The following CADM1 variants were observed in gnomAD, a reference collection of about 807,000 sequenced individuals.
The protein encoded by CADM1 is cell adhesion molecule 1, also known as TSLC-1.
In CADM1, 15 loss-of-function variants were observed where a neutral mutation model predicts 53.1. That is an observed-to-expected ratio of 0.28 (90% CI 0.19 to 0.44). The LOEUF is 0.44. Ranked by LOEUF, CADM1 falls within the 20% of genes least tolerant of loss-of-function variation. The pLI is 1.00. For synonymous variants in CADM1, 281 were observed against 243.0 expected (o/e 1.16, Z -1.45); for missense variants, 434 against 611.3 (o/e 0.71, Z 3.06).
chr11:115,429,912 TG>T (rs1948000309), intron 1 of CADM1, among the ~76,000 whole-genome samples: 1 of 152,106 alleles, frequency 6.6e-6, no homozygotes, highest in Non-Finnish European at 1.5e-5. Context: ...GTACTCCTCT[TG>T]AAAGGATGAG....
At chr11:115,318,991 A>G (rs1449991630) in intron 1 of CADM1, among the ~76,000 whole-genome samples, 1 of 152,180 alleles carries the variant, frequency 6.6e-6, no homozygotes, top group Non-Finnish European at 1.5e-5. Flanking sequence ...AACTCACTTG[A>G]TACTCAAAAC....
intron 1 of CADM1, among the ~76,000 whole-genome samples, chr11:115,295,543 TA>T (rs1330631550): frequency 0.02 from 1,461 of 72,352 alleles, 68 homozygotes; most frequent in East Asian, 0.1. Flanking sequence ...TATATATATA[TA>T]TATATAATAT....
At chr11:115,266,459 G>C (rs902736952) in intron 1 of CADM1, among the ~76,000 whole-genome samples, 4 of 152,202 alleles carry the variant, frequency 2.6e-5, no homozygotes, top group Non-Finnish European at 4.4e-5. Context: ...GGAGTGCTGG[G>C]TTCACAGGCC....
At position 115,279,158 on chromosome 11, in the gene CADM1, T is replaced by C. The variant is rs551636507; in HGVS notation, c.125-38738A>G. Among the ~76,000 whole-genome samples the C allele has an allele frequency of 5.3e-5, 8 of 152,262 alleles. No homozygotes were observed. In the East Asian group the frequency reaches 1.5e-3, roughly 29 times the overall value. On this transcript the variant is annotated intron_variant, in intron 1 of 11. Transcript: ENST00000331581. Reference sequence around the variant, plus strand: ...CATCCTCTCCAATCCCACATTCCACTAGCCCTTTGTGGACAGACCCTTTAA... The same window carrying C: ...CATCCTCTCCAATCCCACATTCCACCAGCCCTTTGTGGACAGACCCTTTAA...
intron 1 of CADM1, among the ~76,000 whole-genome samples, chr11:115,414,935 C>A (rs1302802726): frequency 6.6e-6 from 1 of 152,200 alleles, no homozygotes; most frequent in East Asian, 1.9e-4. Context: ...TAAGTAGATT[C>A]ACTTAGGTGA....
At chr11:115,237,206 A>G (rs1391078124) in intron 3 of CADM1, among the ~76,000 whole-genome samples, 2 of 152,188 alleles carry the variant, frequency 1.3e-5, no homozygotes, top group Non-Finnish European at 2.9e-5. Flanking sequence ...GCAAAATACC[A>G]AAATAGTCAT....
In CADM1 at chr11:115,323,427, C is replaced by T. The variant is rs184940456; in HGVS notation, c.125-83007G>A. Among the ~76,000 whole-genome samples the T allele has an allele frequency of 3.3e-3, 495 of 152,192 alleles. 5 individuals are homozygous for T. The highest frequency in any genetic ancestry group is 0.011 in the African/African-American group (472 of 41,538). On this transcript the variant is annotated intron_variant, in intron 1 of 11. Coordinates refer to ENST00000331581, the MANE Select transcript of CADM1 (RefSeq NM_001301043.2). ...AATATCTAAAACCAGTCTTGAAATT[C>T]CACAGCATAAACATGGAAGTGGGGT...
At chr11:115,196,242 G>C (rs1331745065) in intron 9 of CADM1, among the ~76,000 whole-genome samples, 1 of 151,952 alleles carries the variant, frequency 6.6e-6, no homozygotes, top group East Asian at 1.9e-4. Context: ...TCTCTCCAGG[G>C]AAAGACCCGA....
At chr11:115,500,483 T>C (rs1351600026) in intron 1 of CADM1, among the ~76,000 whole-genome samples, 2 of 152,226 alleles carry the variant, frequency 1.3e-5, no homozygotes, top group Non-Finnish European at 2.9e-5. Flanking sequence ...AAAATTCACT[T>C]ATGTATGAGA....
chr11:115,417,645 G>A (rs1473486958), intron 1 of CADM1, among the ~76,000 whole-genome samples: 2 of 152,194 alleles, frequency 1.3e-5, no homozygotes, highest in Non-Finnish European at 2.9e-5. Flanking sequence ...TACACGGTGT[G>A]GAGATGCTGG....
At position 115,476,397 on chromosome 11, in the gene CADM1, T is replaced by C. The variant is rs186917710; in HGVS notation, c.124+27874A>G. The stretch of plus-strand genomic sequence containing the variant: ...GTGGTTTGTAACTATACTAGAATGA[T>C]TGGTGATTTGTTTGTTTGATTGTTT... On this transcript the variant is annotated intron_variant, in intron 1 of 11. Transcript: ENST00000331581. Among the ~76,000 whole-genome samples, 866 of 152,276 alleles carry C rather than the reference T, an allele frequency of 5.7e-3. 27 individuals are homozygous for C. The highest frequency in any genetic ancestry group is 0.047 in the Admixed American group (715 of 15,286).
chr11:115,270,771 G>A (rs369387574), intron 1 of CADM1, among the ~76,000 whole-genome samples: 18 of 152,294 alleles, frequency 1.2e-4, no homozygotes, highest in Admixed American at 4.6e-4. Flanking sequence ...TATTAAGCTC[G>A]TTTATTTAAA....
intron 1 of CADM1, among the ~76,000 whole-genome samples, chr11:115,335,375 C>A (rs1945241823): frequency 6.6e-6 from 1 of 152,010 alleles, no homozygotes; most frequent in Non-Finnish European, 1.5e-5. Flanking sequence ...GAACAATTGG[C>A]TTTTCACATT....
intron 1 of CADM1, among the ~76,000 whole-genome samples, chr11:115,282,628 G>A (rs1041988852): frequency 2.6e-5 from 4 of 152,166 alleles, no homozygotes; most frequent in Admixed American, 2.6e-4. Flanking sequence ...TGTGATGGGA[G>A]GACCAATGGT....
intron 1 of CADM1, among the ~76,000 whole-genome samples, chr11:115,292,732 G>T (rs1383408694): frequency 6.6e-6 from 1 of 152,176 alleles, no homozygotes. Flanking sequence ...ACCAGGGGCG[G>T]TAGTTCAAAT....
chr11:115,197,765 C>T (rs1940227489), intron 9 of CADM1, among the ~76,000 whole-genome samples: 2 of 152,146 alleles, frequency 1.3e-5, no homozygotes, highest in African/African-American at 4.8e-5. Context: ...TGGTATCATT[C>T]TTGGTTTGGA....
intron 1 of CADM1, among the ~76,000 whole-genome samples, chr11:115,503,384 G>A (rs1383141177): frequency 6.6e-6 from 1 of 152,180 alleles, no homozygotes; most frequent in Non-Finnish European, 1.5e-5. Flanking sequence ...GGAGCGCGCG[G>A]AGGCCCGCAG....
intron 1 of CADM1, among the ~76,000 whole-genome samples, chr11:115,475,779 AAGG>A (rs1297106961): frequency 6.6e-6 from 1 of 152,158 alleles, no homozygotes; most frequent in Non-Finnish European, 1.5e-5. Context: ...TAGCAGTTGG[AAGG>A]AGGTTTGACT....
At chr11:115,370,457 C>T (rs1946280892) in intron 1 of CADM1, among the ~76,000 whole-genome samples, 1 of 152,134 alleles carries the variant, frequency 6.6e-6, no homozygotes, top group Admixed American at 6.5e-5. Flanking sequence ...GTGAGGCCCT[C>T]ATGATGGCAT....
Sources: gnomAD v4.1 joint callset for allele counts (sites outside exome capture counted in the v4.1 genomes callset) on GRCh38, gnomAD v4.1.1 for gene constraint, MANE v1.5 for transcripts, NCBI Gene and HGNC (gene_info 2026-07-23, HGNC 2026-07-21) for gene names.